FAM133A: variants seen among roughly 807,000 people sequenced by gnomAD.
FAM133A encodes family with sequence similarity 133 member A, also known as protein FAM133A.
For missense variants in FAM133A, 159 were observed against 164.4 expected (o/e 0.97, Z 0.18); for synonymous variants, 65 against 58.6 (o/e 1.11, Z -0.50).
chrX:93,708,037 G>A (rs886424489), intron 3 of FAM133A, among the ~76,000 whole-genome samples: 7 of 111,966 alleles, frequency 6.3e-5, no homozygotes, highest in Non-Finnish European at 1.3e-4. Flanking sequence ...GAAAAATGAG[G>A]ATGAGGGGTA....
At chrX:93,706,222 T>G in intron 3 of FAM133A, among the ~76,000 whole-genome samples, 1 of 112,493 alleles carries the variant, frequency 8.9e-6, no homozygotes, top group Non-Finnish European at 1.9e-5. Flanking sequence ...GTAGAAAATT[T>G]AAACATTACA....
intron 2 of FAM133A, among the ~76,000 whole-genome samples, chrX:93,681,749 T>A (rs894228257): frequency 1.8e-5 from 2 of 111,908 alleles, no homozygotes; most frequent in African/African-American, 6.5e-5. Flanking sequence ...AATTATAATA[T>A]TGACCACTTT....
intron 2 of FAM133A, among the ~76,000 whole-genome samples, chrX:93,696,449 G>T (rs775561110): frequency 8.0e-5 from 9 of 111,824 alleles, no homozygotes; most frequent in African/African-American, 2.9e-4. Flanking sequence ...TTATGGAAGT[G>T]CAAGTTTCCT....
At chrX:93,698,303 C>G (rs1364040936) in intron 2 of FAM133A, 94 bp from the exon 3 acceptor site, 1 of 111,674 alleles carries the variant, frequency 9.0e-6, no homozygotes, top group Non-Finnish European at 1.9e-5. Context: ...TTTTGTTACT[C>G]TAAGTTTTAG....
At chrX:93,695,673 G>A (rs1291262615) in intron 2 of FAM133A, among the ~76,000 whole-genome samples, 1 of 73,832 alleles carries the variant, frequency 1.4e-5, no homozygotes, top group Non-Finnish European at 2.4e-5. Flanking sequence ...ACAGAGTCTC[G>A]CTCTTTCGCC....
At position 93,707,979 on chromosome X, in the gene FAM133A, C is replaced by A. The variant is rs1207965840; in HGVS notation, c.-103-1338C>A. 1.2e-4 allele frequency among the ~76,000 whole-genome samples: 13 copies of A among 111,658 alleles called. No individual in the cohort carries two copies. In the Admixed American group the frequency reaches 1.2e-3, roughly 11 times the overall value. On this transcript the variant is annotated intron_variant, in intron 3 of 3. Coordinates refer to ENST00000683942, the MANE Select transcript of FAM133A (RefSeq NM_001171109.2). ...GCAATAATCACAAATAAAATAATTACCAATTTCATAAATGCTACAAATAAA... is the reference window on the plus strand; with the variant it reads ...GCAATAATCACAAATAAAATAATTAACAATTTCATAAATGCTACAAATAAA...
chrX:93,681,345 T>C (rs1251506102), intron 2 of FAM133A, among the ~76,000 whole-genome samples: 1 of 110,788 alleles, frequency 9.0e-6, no homozygotes, highest in Non-Finnish European at 1.9e-5. Flanking sequence ...TTTTGCAATT[T>C]ATTTGGACAA....
At position 93,695,293 on chromosome X, in the gene FAM133A, G is replaced by A. The variant is rs187973045; in HGVS notation, c.-192-3104G>A. On this transcript the variant is annotated intron_variant, in intron 2 of 3. Transcript: ENST00000683942. Reference sequence around the variant, plus strand: ...TCTGAGATGGAGTCTCACTCTTGTCGCCTAGGCAGGAGTTCAATGGCGCAA... The same window carrying A: ...TCTGAGATGGAGTCTCACTCTTGTCACCTAGGCAGGAGTTCAATGGCGCAA... Among the ~76,000 whole-genome samples, 249 of 109,639 alleles carry A rather than the reference G, an allele frequency of 2.3e-3. 1 individual carries two copies. The highest frequency in any genetic ancestry group is 2.7e-3 in the Non-Finnish European group (143 of 52,641).
In FAM133A at chrX:93,710,085, A is replaced by AAAG. The variant is rs753503341; in HGVS notation, c.681_683dup (p.Lys228dup). On this transcript the variant is annotated inframe_insertion, in exon 4 of 4. Transcript: ENST00000683942. ...AGCGAGAACAAGCAAAGGAAAAAGTAAAGAAGAAGAAGAAGAAACAGCACA... is the reference window on the plus strand; with the variant it reads ...AGCGAGAACAAGCAAAGGAAAAAGTAAAGAAGAAGAAGAAGAAGAAACAGCACA... 2.5e-6 allele frequency: 3 copies of AAAG among 1,198,186 alleles called. No homozygotes were observed. In the South Asian group the frequency reaches 5.5e-5, roughly 22 times the overall value.
At chrX:93,679,915 ATTTTTTTTTTTTTT>A (rs376335726) in intron 2 of FAM133A, among the ~76,000 whole-genome samples, 9 of 62,428 alleles carry the variant, frequency 1.4e-4, no homozygotes, top group East Asian at 5.2e-4. Context: ...CTCCTGGCAA[ATTTTTTTTTTTTTT>A]TTTTTTTTTT....
chrX:93,709,300 A>G lies in FAM133A; in HGVS notation c.-103-17A>G, dbSNP rs1425961707. ...ATTAAAGGTGATTTGTAATCATTCC[A>G]TCTGCTTCTCTTACAGAATGGAGCT... On this transcript the variant is annotated splice_polypyrimidine_tract_variant and intron_variant, in intron 3 of 3. Transcript: ENST00000683942. 1 of 938,909 alleles carries G rather than the reference A, an allele frequency of 1.1e-6. No homozygotes were observed. The highest frequency in any genetic ancestry group is 3.8e-5 in the East Asian group (1 of 26,527). 77.4% of individuals were successfully genotyped at this position (938,909 alleles called of 1,213,427 possible). A position where few individuals can be genotyped will look rare whatever the true frequency, so the allele number is the denominator to read the frequency against.
chrX:93,709,440 G>A lies in FAM133A; in HGVS notation c.21G>A (p.Arg7=), dbSNP rs2147674331. 2.6e-6 allele frequency: 3 copies of A among 1,171,226 alleles called. No individual in the cohort carries two copies. In the East Asian group the frequency reaches 9.2e-5, roughly 36 times the overall value. Residue 7 remains arginine, a synonymous_variant, in exon 4 of 4, where the codon CGG becomes CGA. Coordinates refer to ENST00000683942, the MANE Select transcript of FAM133A (RefSeq NM_001171109.2). ...GCACCATGGGGAAGCGGGATAATCG[G>A]GTAGCCTATATGAATCCTATAGCAA... The part of the protein sequence containing the change: MGKRDN[R]VAYMNPIAMA...
At chrX:93,678,968 A>G (rs747531461) in intron 2 of FAM133A, among the ~76,000 whole-genome samples, 2 of 112,061 alleles carry the variant, frequency 1.8e-5, no homozygotes, top group East Asian at 5.6e-4. Flanking sequence ...TCTGCTCCCA[A>G]CTATGTGAGA....
intron 2 of FAM133A, among the ~76,000 whole-genome samples, chrX:93,682,220 A>G: frequency 8.9e-6 from 1 of 112,135 alleles, no homozygotes; most frequent in South Asian, 3.7e-4. Context: ...TCACAGAGCA[A>G]TGGTGAGCTT....
intron 2 of FAM133A, among the ~76,000 whole-genome samples, chrX:93,694,754 C>T (rs1167200560): frequency 1.8e-5 from 2 of 110,441 alleles, no homozygotes; most frequent in Non-Finnish European, 3.8e-5. Context: ...TCAAATTAAA[C>T]CTTGAGGCAG....
At position 93,679,915 on chromosome X, in the gene FAM133A, ATTTTTTTTTTT is replaced by A. The variant is rs376335726; in HGVS notation, c.-193+5196_-193+5206del. 5.6e-4 allele frequency among the ~76,000 whole-genome samples: 35 copies of A among 62,394 alleles called. 1 individual carries two copies. The highest frequency in any genetic ancestry group is 2.8e-3 in the African/African-American group (33 of 11,965). 54.2% of individuals were successfully genotyped at this position (62,394 alleles called of 115,157 possible). ...AGGTGTGTACCACCACTCCTGGCAA[ATTTTTTTTTTT>A]TTTTTTTTTTTTTTTTTTTTTTTTT... On this transcript the variant is annotated intron_variant, in intron 2 of 3. Coordinates refer to ENST00000683942, the MANE Select transcript of FAM133A (RefSeq NM_001171109.2).
chrX:93,689,084 G>A (rs950085936), intron 2 of FAM133A, among the ~76,000 whole-genome samples: 3 of 106,169 alleles, frequency 2.8e-5, no homozygotes, highest in Non-Finnish European at 3.9e-5. Context: ...CAAAGTCTCC[G>A]CGGCTGGAGT....
chrX:93,693,367 G>A (rs1926017592), intron 2 of FAM133A, among the ~76,000 whole-genome samples: 1 of 109,722 alleles, frequency 9.1e-6, no homozygotes, highest in Admixed American at 9.8e-5. Context: ...GAGAGAGAGA[G>A]TGTAATGTCA....
chrX:93,686,515 G>T (rs1158965757), intron 2 of FAM133A, among the ~76,000 whole-genome samples: 3 of 111,688 alleles, frequency 2.7e-5, no homozygotes, highest in African/African-American at 9.8e-5. Context: ...AAAATACCAG[G>T]GTCTCACAGA....
Sources: gnomAD v4.1 joint callset for allele counts (sites outside exome capture counted in the v4.1 genomes callset) on GRCh38, gnomAD v4.1.1 for gene constraint, MANE v1.5 for transcripts, NCBI Gene and HGNC (gene_info 2026-07-23, HGNC 2026-07-21) for gene names.